RPS6KC1: variants seen among roughly 807,000 people sequenced by gnomAD.
RPS6KC1 encodes the protein inactive ribosomal protein S6 kinase delta-1.
In RPS6KC1, 54 loss-of-function variants were observed where a neutral mutation model predicts 103.8. The ratio of observed to expected loss-of-function variants is 0.52; its 90% CI spans 0.42 to 0.65. RPS6KC1 has a LOEUF of 0.65. RPS6KC1 is among the 30% of genes least tolerant of loss of function. The pLI, the probability that RPS6KC1 is intolerant of heterozygous loss-of-function variation, is 0.00. For synonymous variants in RPS6KC1, 439 were observed against 438.7 expected, an observed-to-expected ratio of 1.00 and a Z score of -0.01; for missense variants, 1,151 against 1,253.8, an observed-to-expected ratio of 0.92 and a Z score of 1.24.
chr1:213,766,674 A>G, the RPS6KC1 span, among the ~76,000 whole-genome samples: 1 of 152,192 alleles, frequency 6.6e-6, no homozygotes, highest in African/African-American at 2.4e-5. Flanking sequence ...CTCATGCTTC[A>G]GAAGGATTTT....
the RPS6KC1 span, among the ~76,000 whole-genome samples, chr1:213,314,457 A>G: frequency 2.0e-5 from 3 of 152,208 alleles, no homozygotes; most frequent in African/African-American, 4.8e-5. Context: ...CACCTTGACT[A>G]TGGAACAGCA....
chr1:213,775,408 G>A, the RPS6KC1 span, among the ~76,000 whole-genome samples: 2 of 152,130 alleles, frequency 1.3e-5, no homozygotes, highest in Admixed American at 1.3e-4. Flanking sequence ...AGATACCATG[G>A]ATTTGGTTCC....
intron 9 of RPS6KC1, 31 bp from the exon 10 acceptor site, chr1:213,232,092 G>A (rs770522323): frequency 5.3e-6 from 7 of 1,318,662 alleles, no homozygotes; most frequent in Middle Eastern, 2.0e-4. Context: ...ATGCAACTGA[G>A]GATACAACTG....
At chr1:213,813,704 T>G in the RPS6KC1 span, among the ~76,000 whole-genome samples, 1 of 152,228 alleles carries the variant, frequency 6.6e-6, no homozygotes, top group African/African-American at 2.4e-5. Flanking sequence ...GAGAATCTGT[T>G]CTGTGGTGCT....
At chr1:213,692,482 G>A in the RPS6KC1 span, among the ~76,000 whole-genome samples, 7 of 152,210 alleles carry the variant, frequency 4.6e-5, no homozygotes, top group South Asian at 8.3e-4. Flanking sequence ...AGATTCAAGC[G>A]TATGGTTTGA....
downstream of RPS6KC1, among the ~76,000 whole-genome samples, chr1:213,275,463 A>G (rs1057217433): frequency 6.6e-6 from 1 of 152,226 alleles, no homozygotes; most frequent in African/African-American, 2.4e-5. Flanking sequence ...TTCTATGTCA[A>G]AGATGGATAA....
chr1:213,430,646 T>C, the RPS6KC1 span, among the ~76,000 whole-genome samples: 7 of 152,202 alleles, frequency 4.6e-5, no homozygotes, highest in Non-Finnish European at 1.0e-4. Context: ...TATTTTTTTT[T>C]CCCATCTGCT....
the RPS6KC1 span, among the ~76,000 whole-genome samples, chr1:213,560,645 C>T: frequency 6.6e-6 from 1 of 152,128 alleles, no homozygotes. Flanking sequence ...CTCTGCCTGG[C>T]CTTGTGACCG....
the RPS6KC1 span, among the ~76,000 whole-genome samples, chr1:213,339,543 G>C: frequency 1.3e-5 from 2 of 152,228 alleles, no homozygotes; most frequent in African/African-American, 4.8e-5. Flanking sequence ...CATTCGGTGA[G>C]ACCATTCTGG....
the RPS6KC1 span, among the ~76,000 whole-genome samples, chr1:213,643,756 G>A: frequency 6.6e-6 from 1 of 151,908 alleles, no homozygotes; most frequent in East Asian, 1.9e-4. Context: ...CAGTAAGTAT[G>A]ATGCTTGCTA....
the RPS6KC1 span, among the ~76,000 whole-genome samples, chr1:213,595,508 A>G: frequency 6.6e-6 from 1 of 152,204 alleles, no homozygotes; most frequent in Non-Finnish European, 1.5e-5. Flanking sequence ...TGCAAAGGGC[A>G]GGCAGGAGAA....
At chr1:213,767,374 G>A in the RPS6KC1 span, among the ~76,000 whole-genome samples, 2 of 151,702 alleles carry the variant, frequency 1.3e-5, no homozygotes, top group Non-Finnish European at 2.9e-5. Flanking sequence ...TTTTACATAT[G>A]TATATATATA....
chr1:213,449,463 C>A, the RPS6KC1 span, among the ~76,000 whole-genome samples: 1 of 152,062 alleles, frequency 6.6e-6, no homozygotes, highest in East Asian at 1.9e-4. Flanking sequence ...CCTCATGCGG[C>A]CTTCCTTTTC....
At chr1:213,546,045 A>G in the RPS6KC1 span, among the ~76,000 whole-genome samples, 1 of 152,166 alleles carries the variant, frequency 6.6e-6, no homozygotes, top group Non-Finnish European at 1.5e-5. Context: ...GAGAAGAGAG[A>G]TGCTGCCTCC....
chr1:213,416,461 A>G, the RPS6KC1 span, among the ~76,000 whole-genome samples: 1 of 152,232 alleles, frequency 6.6e-6, no homozygotes, highest in Non-Finnish European at 1.5e-5. Context: ...TGGCCAGTAA[A>G]GGCAGGCTGT....
At chr1:213,504,144 T>C in the RPS6KC1 span, among the ~76,000 whole-genome samples, 9 of 152,202 alleles carry the variant, frequency 5.9e-5, no homozygotes, top group Non-Finnish European at 8.8e-5. Context: ...ATAATTTCTT[T>C]TAATAATGTA....
the RPS6KC1 span, among the ~76,000 whole-genome samples, chr1:213,428,533 TC>T: frequency 1.4e-5 from 1 of 73,816 alleles, no homozygotes; most frequent in Non-Finnish European, 2.9e-5. Flanking sequence ...TCTCTCTCTC[TC>T]TCTCTCTTTC....
chr1:213,791,596 G>T, the RPS6KC1 span, among the ~76,000 whole-genome samples: 1 of 152,288 alleles, frequency 6.6e-6, no homozygotes, highest in Admixed American at 6.5e-5. Context: ...GGGAGGTAAA[G>T]AGGGAGGAAG....
chr1:213,634,926 A>G, the RPS6KC1 span, among the ~76,000 whole-genome samples: 7 of 152,128 alleles, frequency 4.6e-5, 1 homozygote, highest in African/African-American at 1.7e-4. Context: ...CACAATAAAA[A>G]TGATAAAGGG....
Sources: gnomAD v4.1 joint callset for allele counts (sites outside exome capture counted in the v4.1 genomes callset) on GRCh38, gnomAD v4.1.1 for gene constraint, MANE v1.5 for transcripts, NCBI Gene and HGNC (gene_info 2026-07-23, HGNC 2026-07-21) for gene names.